The following GBF1 variants were observed in gnomAD, a reference collection of about 807,000 sequenced individuals.
The protein encoded by GBF1 is Golgi-specific brefeldin A-resistance guanine nucleotide exchange factor 1.
In GBF1, 114 loss-of-function variants were observed where a neutral mutation model predicts 210.5. The observed-to-expected ratio is 0.54, with a 90% CI of 0.47 to 0.63. The LOEUF is 0.63. Among genes scored for constraint, GBF1 ranks in the 30% least tolerant of loss-of-function variants. The pLI, the probability that GBF1 is intolerant of heterozygous loss-of-function variation, is 0.00. For missense variants in GBF1, 1,851 were observed against 2,357.7 expected (o/e 0.79, Z 4.45); for synonymous variants, 850 against 889.2 (o/e 0.96, Z 0.78).
intron 1 of GBF1, among the ~76,000 whole-genome samples, chr10:102,248,278 CTT>C (rs202223133): frequency 1.4e-5 from 2 of 141,338 alleles, no homozygotes; most frequent in African/African-American, 2.6e-5. Context: ...AGCTGTTACT[CTT>C]TTTTTTTTTT....
chr10:102,340,131 T>A (rs890274366), intron 3 of GBF1, among the ~76,000 whole-genome samples: 1 of 151,910 alleles, frequency 6.6e-6, no homozygotes, highest in Non-Finnish European at 1.5e-5. Context: ...TTTTTGTATT[T>A]TTTGGTAGAG....
At chr10:102,306,725 G>A (rs1441289858) in intron 3 of GBF1, among the ~76,000 whole-genome samples, 3 of 152,232 alleles carry the variant, frequency 2.0e-5, no homozygotes, top group Admixed American at 1.3e-4. Flanking sequence ...CACCCAGCCG[G>A]GGCTGTCTCT....
intron 4 of GBF1, among the ~76,000 whole-genome samples, chr10:102,346,137 C>T (rs2058552678): frequency 6.6e-6 from 1 of 151,808 alleles, no homozygotes; most frequent in African/African-American, 2.4e-5. Flanking sequence ...TTTGTGCCAC[C>T]ACGCCCGGCT....
chr10:102,357,638 ATGCACC>A (rs2059370178), intron 8 of GBF1, among the ~76,000 whole-genome samples: 1 of 152,164 alleles, frequency 6.6e-6, no homozygotes, highest in Admixed American at 6.5e-5. Context: ...CCGAGAGACC[ATGCACC>A]TGTAGAACTG....
At chr10:102,262,609 A>G (rs1287436847) in intron 3 of GBF1, among the ~76,000 whole-genome samples, 5 of 152,188 alleles carry the variant, frequency 3.3e-5, no homozygotes, top group African/African-American at 9.6e-5. Flanking sequence ...TCATTCTGCA[A>G]ACCTTGAGGA....
At chr10:102,255,260 T>A (rs1472452283) in intron 1 of GBF1, among the ~76,000 whole-genome samples, 4 of 152,078 alleles carry the variant, frequency 2.6e-5, no homozygotes, top group African/African-American at 9.7e-5. Flanking sequence ...AGGCTGGTCT[T>A]GAACTCCCAA....
At chr10:102,351,207 ATC>A in intron 4 of GBF1, 47 bp from the exon 5 acceptor site, 1 of 1,043,780 alleles carries the variant, frequency 9.6e-7, no homozygotes, top group Non-Finnish European at 1.5e-6. Flanking sequence ...CTTACCTTTT[ATC>A]TCTCTCCTCT....
At position 102,299,813 on chromosome 10, in the gene GBF1, TG is replaced by T. The variant is rs1215028183; in HGVS notation, c.163+39701del. ...AAAATTAAAAAATAAATGTAAAAAA[TG>T]GGGCAGTAACAAAACCTACACATAC... On this transcript the variant is annotated intron_variant, in intron 3 of 39. Coordinates refer to ENST00000369983, the MANE Select transcript of GBF1 (RefSeq NM_001377137.1). Among the ~76,000 whole-genome samples the T allele has an allele frequency of 4.6e-5, 7 of 151,978 alleles. No individual in the cohort carries two copies. In the East Asian group the frequency reaches 1.4e-3, roughly 29 times the overall value.
At chr10:102,340,946 A>G (rs1477705847) in intron 3 of GBF1, among the ~76,000 whole-genome samples, 8 of 152,220 alleles carry the variant, frequency 5.3e-5, no homozygotes, top group Admixed American at 5.2e-4. Context: ...CACAATCCAT[A>G]AAATATTAAT....
rs111900484 is a variant in GBF1, at chr10:102,364,571, G to A, written c.2106+773G>A. ...AAAGAAAACCTAACCCTTTCTGGCC[G>A]GGCGCAGTGGCTCACGCCTGTAATC... On this transcript the variant is annotated intron_variant, in intron 17 of 39. Coordinates refer to ENST00000369983, the MANE Select transcript of GBF1 (RefSeq NM_001377137.1). Among the ~76,000 whole-genome samples the A allele has an allele frequency of 8.6e-5, 13 of 151,014 alleles. 1 individual carries two copies. Among genetic ancestry groups the A allele is most frequent in the East Asian group, 4.0e-4 (2 of 5,026 alleles).
Position 102,382,083 on chromosome 10 carries a change from C to G in GBF1, c.5330C>G (p.Ala1777Gly). The part of the protein sequence containing the change: ...CDFEKPESPR[A>G]ASSSSPGSPV... The stretch of plus-strand genomic sequence containing the variant: ...TTTGAGAAGCCCGAGAGCCCCCGAG[C>G]CGCCAGCAGCAGCTCCCCAGGATCA... Residue 1777 changes from alanine (A) to glycine (G), a missense_variant, in exon 40 of 40, where the codon GCC becomes GGC. Ala to Gly is a moderately conservative substitution (Grantham distance 60, BLOSUM62 0). Transcript: ENST00000369983. 1 of 1,562,192 alleles carries G rather than the reference C, an allele frequency of 6.4e-7. No homozygotes were observed. The highest frequency in any genetic ancestry group is 8.7e-7 in the Non-Finnish European group (1 of 1,154,138).
intron 3 of GBF1, among the ~76,000 whole-genome samples, chr10:102,294,170 G>A (rs2076716526): frequency 6.6e-6 from 1 of 152,016 alleles, no homozygotes; most frequent in African/African-American, 2.4e-5. Context: ...GTAAGCTAAG[G>A]TTAATTAATG....
chr10:102,358,208 C>A, intron 9 of GBF1, 22 bp downstream of exon 9: 1 of 1,601,056 alleles, frequency 6.2e-7, no homozygotes, highest in Non-Finnish European at 8.5e-7. Flanking sequence ...GGACTACTTC[C>A]TCTGATTAGA....
intron 5 of GBF1, 94 bp from the exon 6 acceptor site, chr10:102,351,749 G>T: frequency 1.3e-6 from 1 of 749,098 alleles, no homozygotes; most frequent in Admixed American, 1.9e-5. Flanking sequence ...ACCAAGCTGA[G>T]GTGAGGTCAG....
chr10:102,234,668 C>G, the GBF1 span, among the ~76,000 whole-genome samples: 1 of 152,202 alleles, frequency 6.6e-6, no homozygotes, highest in East Asian at 1.9e-4. Flanking sequence ...ACCCAAGATG[C>G]CCTTGAAATG....
chr10:102,276,192 G>A (rs1449104490), intron 3 of GBF1, among the ~76,000 whole-genome samples: 2 of 151,458 alleles, frequency 1.3e-5, no homozygotes, highest in African/African-American at 4.9e-5. Context: ...AGCTGAGATC[G>A]CGCCACTGCA....
At chr10:102,286,194 G>GTTTTTTTTGTTTTTTTTTT (rs1565060425) in intron 3 of GBF1, among the ~76,000 whole-genome samples, 4 of 126,368 alleles carry the variant, frequency 3.2e-5, no homozygotes, top group Non-Finnish European at 1.6e-5. Context: ...AAGCATAAGG[G>GTTTTTTTTGTTTTTTTTTT]TTTTTTTTTT....
At chr10:102,254,816 C>T (rs1398920542) in intron 1 of GBF1, among the ~76,000 whole-genome samples, 3 of 151,720 alleles carry the variant, frequency 2.0e-5, no homozygotes, top group East Asian at 4.0e-4. Context: ...ATCTTAAGTT[C>T]GTTTCTACTA....
chr10:102,296,823 T>C (rs1339646951), intron 3 of GBF1, among the ~76,000 whole-genome samples: 2 of 151,572 alleles, frequency 1.3e-5, no homozygotes, highest in African/African-American at 4.9e-5. Flanking sequence ...GGTGGGCGGA[T>C]CACTTGAGGC....
Sources: allele counts gnomAD v4.1 joint callset (sites outside exome capture counted in the v4.1 genomes callset), GRCh38; gene constraint gnomAD v4.1.1; transcripts MANE v1.5; gene names NCBI Gene and HGNC (gene_info 2026-07-23, HGNC 2026-07-21).